Variants in PCOLCE observed in about 807,000 individuals in gnomAD.
PCOLCE encodes the protein procollagen C-endopeptidase enhancer.
A neutral mutation model predicts 47.2 loss-of-function variants in PCOLCE; 33 were observed. That is an observed-to-expected ratio of 0.70 (90% CI 0.53 to 0.93). The LOEUF (loss-of-function observed/expected upper bound fraction) is 0.93, where lower values mean the gene tolerates loss of function less well. Ranked by LOEUF, PCOLCE falls within the 40% of genes least tolerant of loss-of-function variation. The pLI, the probability that PCOLCE is intolerant of heterozygous loss-of-function variation, is 0.00. For missense variants in PCOLCE, 584 were observed against 585.3 expected (o/e 1.00, Z 0.02); for synonymous variants, 254 against 252.5 (o/e 1.01, Z -0.06).
rs750524989 is a variant in PCOLCE, at chr7:100,607,437, C to G, written c.941-15C>G. 1 of 1,610,312 alleles carries G rather than the reference C, an allele frequency of 6.2e-7. No individual in the cohort carries two copies. Among genetic ancestry groups the G allele is most frequent in the Admixed American group, 1.7e-5 (1 of 59,894 alleles). ...ACCTGCTGAGCAGGTCACCCTCCAC[C>G]CTCCTCCCTCCTAGATGCACCCACC... is the stretch of plus-strand genomic sequence containing the variant. On this transcript the variant is annotated splice_polypyrimidine_tract_variant and intron_variant, in intron 6 of 8. Coordinates refer to ENST00000223061, the MANE Select transcript of PCOLCE (RefSeq NM_002593.4).
In PCOLCE at chr7:100,604,324, A is replaced by G; in HGVS notation, c.463+107A>G. ...CCGCCCACCCCGCGCCCCAGTGCCT[A>G]GGGCCCCCTACCTCCCTGACCCATT... On this transcript the variant is annotated intron_variant, in intron 3 of 8. Coordinates refer to ENST00000223061, the MANE Select transcript of PCOLCE (RefSeq NM_002593.4). The surrounding 1 kb of genome is among the most constrained non-coding windows in gnomAD (Gnocchi z 6.4). 2.0e-6 allele frequency: 2 copies of G among 986,016 alleles called. No individual in the cohort carries two copies. Among genetic ancestry groups the G allele is most frequent in the Non-Finnish European group, 2.9e-6 (2 of 695,298 alleles). The allele number at this position is 986,016 out of a possible 1,614,324, so 61.1% of individuals were successfully genotyped here.
chr7:100,605,809 C>T lies in PCOLCE; in HGVS notation c.722C>T (p.Pro241Leu), dbSNP rs1433637735. ...GGGAAGTTCTGCGGCGACGCAGTCC[C>T]GGGGTGAGGGGCGGGACCTGGGCGA... is the stretch of plus-strand genomic sequence containing the variant. ...RLGKFCGDAV[P>L]GSISSEGNEL... The change falls in exon 5 of 9, where the codon CCG becomes CTG. Residue 241 changes from proline to leucine, a missense_variant. By Grantham distance (98) the Pro-to-Leu change is moderately conservative. Coordinates refer to ENST00000223061, the MANE Select transcript of PCOLCE (RefSeq NM_002593.4). This position sits in a 1 kb window ranked among gnomAD's most constrained non-coding sequence, Gnocchi z 6.1. 1.9e-6 allele frequency: 3 copies of T among 1,551,856 alleles called. No homozygotes were observed. Among genetic ancestry groups the T allele is most frequent in the Non-Finnish European group, 1.7e-6 (2 of 1,147,490 alleles).
chr7:100,607,377 T>C, intron 6 of PCOLCE, 75 bp from the exon 7 acceptor site: 1 of 1,200,904 alleles, frequency 8.3e-7, no homozygotes, highest in Non-Finnish European at 1.2e-6. Flanking sequence ...ACAGTTCAAG[T>C]CAATGAGGCT....
At chr7:100,606,362 G>C in intron 5 of PCOLCE, 54 bp from the exon 6 acceptor site, 2 of 1,296,770 alleles carry the variant, frequency 1.5e-6, no homozygotes, top group South Asian at 1.2e-5. Flanking sequence ...GCTGAGAAGA[G>C]TGTGGTGCAC....
At chr7:100,606,354 T>C (rs1301860971) in intron 5 of PCOLCE, 62 bp from the exon 6 acceptor site, 2 of 1,205,944 alleles carry the variant, frequency 1.7e-6, no homozygotes, top group Non-Finnish European at 2.4e-6. Context: ...GTCATGGGGC[T>C]GAGAAGAGTG....
chr7:100,604,290 ACCT>A lies in PCOLCE; in HGVS notation c.463+76_463+78del. On this transcript the variant is annotated intron_variant, in intron 3 of 8. Coordinates refer to ENST00000223061, the MANE Select transcript of PCOLCE (RefSeq NM_002593.4). This position sits in a 1 kb window ranked among gnomAD's most constrained non-coding sequence, Gnocchi z 6.4. ...GGCCGCAGCCCCGCCCCCAGCCCTA[ACCT>A]CCGCCCCGCCCACCCCGCGCCCCAG... is the stretch of plus-strand genomic sequence containing the variant. 1 of 1,352,574 alleles carries A rather than the reference ACCT, an allele frequency of 7.4e-7. No homozygotes were observed. The highest frequency in any genetic ancestry group is 9.9e-7 in the Non-Finnish European group (1 of 1,006,496). The allele number at this position is 1,352,574 out of a possible 1,614,324, so 83.8% of individuals were successfully genotyped here.
Position 100,607,794 on chromosome 7 carries a change from C to G in PCOLCE, c.1170C>G (p.Pro390=). Residue 390 remains proline, a synonymous_variant, in exon 8 of 9, where the codon CCC becomes CCG. Transcript: ENST00000223061. Reference sequence around the variant, plus strand: ...TTTACGTGCCTTGCAAGCAGTGCCCCCCCATGAAGAAAGGTAACAGAGATG... The same window carrying G: ...TTTACGTGCCTTGCAAGCAGTGCCCGCCCATGAAGAAAGGTAACAGAGATG... ...LKFYVPCKQC[P]PMKKGVSYLL... The G allele has an allele frequency of 6.2e-7, 1 of 1,614,114 alleles. No homozygotes were observed. Among genetic ancestry groups the G allele is most frequent in the Non-Finnish European group, 8.5e-7 (1 of 1,180,030 alleles).
chr7:100,603,742 C>A (rs994968370), intron 2 of PCOLCE: 1 of 615,478 alleles, frequency 1.6e-6, no homozygotes, highest in Admixed American at 2.9e-5. Flanking sequence ...ATTCTCCAGT[C>A]CCCGGCCCTC....
In PCOLCE at chr7:100,604,156, T is replaced by G. The variant is rs759556507; in HGVS notation, c.402T>G (p.Asp134Glu). ...AGGTGACCCTGAGGATGACGACGGATGAGGGCACAGGAGGACGAGGCTTCC... is the reference window on the plus strand; with the variant it reads ...AGGTGACCCTGAGGATGACGACGGAGGAGGGCACAGGAGGACGAGGCTTCC... ...GNQVTLRMTT[D>E]EGTGGRGFLL... Residue 134 changes from aspartate (D) to glutamate (E), a missense_variant, in exon 3 of 9, where the codon GAT becomes GAG. Transcript: ENST00000223061. The surrounding 1 kb of genome is among the most constrained non-coding windows in gnomAD (Gnocchi z 6.4). The G allele has an allele frequency of 1.2e-6, 2 of 1,613,286 alleles. No homozygotes were observed. The highest frequency in any genetic ancestry group is 1.7e-6 in the Non-Finnish European group (2 of 1,179,956).
chr7:100,603,506 C>T lies in PCOLCE; in HGVS notation c.172C>T (p.Pro58Ser). The change falls in exon 2 of 9, where the codon CCC becomes TCC. Residue 58 changes from proline to serine, a missense_variant. Pro to Ser is a moderately conservative substitution (Grantham distance 74). Transcript: ENST00000223061. Reference protein sequence around the residue: ...VASEGFPNLYPPNKECIWTIT... With the variant: ...VASEGFPNLYSPNKECIWTIT... ...AAGTGAGGGGTTCCCCAACCTCTAC[C>T]CCCCTAATAAGGAGTGCATCTGGAC... 1 of 1,600,808 alleles carries T rather than the reference C, an allele frequency of 6.2e-7. No individual in the cohort carries two copies. The highest frequency in any genetic ancestry group is 8.5e-7 in the Non-Finnish European group (1 of 1,171,244).
At position 100,605,036 on chromosome 7, in the gene PCOLCE, A is replaced by G; in HGVS notation, c.464-55A>G. The G allele has an allele frequency of 7.1e-7, 1 of 1,407,674 alleles. No homozygotes were observed. The highest frequency in any genetic ancestry group is 1.0e-6 in the Non-Finnish European group (1 of 1,003,638). The allele number at this position is 1,407,674 out of a possible 1,614,324, so 87.2% of individuals were successfully genotyped here. A position where few individuals can be genotyped will look rare whatever the true frequency, so the allele number is the denominator to read the frequency against. On this transcript the variant is annotated intron_variant, in intron 3 of 8. Coordinates refer to ENST00000223061, the MANE Select transcript of PCOLCE (RefSeq NM_002593.4). The surrounding 1 kb of genome is among the most constrained non-coding windows in gnomAD (Gnocchi z 6.1). Reference sequence around the variant, plus strand: ...GGCTCCCAGCCTAGAGTTCTCCTGAAGCTGACCGAGGGTCTCCACCGCCCC... The same window carrying G: ...GGCTCCCAGCCTAGAGTTCTCCTGAGGCTGACCGAGGGTCTCCACCGCCCC...
Position 100,607,652 on chromosome 7 carries a change from T to C in PCOLCE, c.1028T>C (p.Val343Ala). The C allele has an allele frequency of 3.7e-6, 6 of 1,614,062 alleles. No individual in the cohort carries two copies. The highest frequency in any genetic ancestry group is 2.7e-5 in the African/African-American group (2 of 75,022). The stretch of plus-strand genomic sequence containing the variant: ...TCTCCCACAGTGGTGACTGCGACAG[T>C]GAAGTCCATGGTTCGGGAGCCAGGG... ...CASSLVVTAT[V>A]KSMVREPGEG... The change falls in exon 8 of 9, where the codon GTG (valine) becomes GCG (alanine). Residue 343 changes from valine (V) to alanine (A), a missense_variant. Transcript: ENST00000223061.
At chr7:100,607,568 T>G (rs1288587663) in intron 7 of PCOLCE, 45 bp downstream of exon 7, 1 of 1,610,180 alleles carries the variant, frequency 6.2e-7, no homozygotes, top group Admixed American at 1.7e-5. Flanking sequence ...AACCACCTCC[T>G]GCTTCTGTTT....
chr7:100,607,605 TCTC>T, intron 7 of PCOLCE, 29 bp from the exon 8 acceptor site: 1 of 1,611,246 alleles, frequency 6.2e-7, no homozygotes. Context: ...GAACCTCCCA[TCTC>T]CTCATCTCTC....
chr7:100,604,119 C>T lies in PCOLCE; in HGVS notation c.365C>T (p.Ala122Val). Residue 122 changes from alanine (A) to valine (V), a missense_variant, in exon 3 of 9, where the codon GCC becomes GTC. By Grantham distance (64) the Ala-to-Val change is moderately conservative (BLOSUM62 0). Transcript: ENST00000223061. This position sits in a 1 kb window ranked among gnomAD's most constrained non-coding sequence, Gnocchi z 6.4. ...ACCTTCCGGCCTGCGCCCCTAGTCG[C>T]CCCCGGCAACCAGGTGACCCTGAGG... Reference protein sequence around the residue: ...CGTFRPAPLVAPGNQVTLRMT... With the variant: ...CGTFRPAPLVVPGNQVTLRMT... The T allele has an allele frequency of 6.2e-7, 1 of 1,611,888 alleles. No homozygotes were observed. Among genetic ancestry groups the T allele is most frequent in the Non-Finnish European group, 8.5e-7 (1 of 1,179,968 alleles).
chr7:100,605,646 C>T lies in PCOLCE; in HGVS notation c.589-30C>T, dbSNP rs1263851770. ...GTGCAGGCGCCCAGGGGTGTCCCGC[C>T]GCGCAGTCCCCGCCTCCGCCCGCCG... On this transcript the variant is annotated intron_variant, in intron 4 of 8. Coordinates refer to ENST00000223061, the MANE Select transcript of PCOLCE (RefSeq NM_002593.4). This position sits in a 1 kb window ranked among gnomAD's most constrained non-coding sequence, Gnocchi z 6.1. 1.7e-5 allele frequency: 27 copies of T among 1,561,592 alleles called. No individual in the cohort carries two copies. The highest frequency in any genetic ancestry group is 2.3e-5 in the Non-Finnish European group (26 of 1,153,584).
In PCOLCE at chr7:100,606,781, G is replaced by A. The variant is rs1802725352; in HGVS notation, c.940+151G>A. The A allele has an allele frequency of 4.9e-6, 3 of 614,644 alleles. No homozygotes were observed. In the East Asian group the frequency reaches 8.5e-5, roughly 17 times the overall value. 38.1% of individuals were successfully genotyped at this position (614,644 alleles called of 1,614,324 possible). Reference sequence around the variant, plus strand: ...TAAGCCTAGGAGTTTACCATAGCAAGACCCTGTCTTTTCAAAAATAAAAAA... The same window carrying A: ...TAAGCCTAGGAGTTTACCATAGCAAAACCCTGTCTTTTCAAAAATAAAAAA... On this transcript the variant is annotated intron_variant, in intron 6 of 8. Transcript: ENST00000223061.
At chr7:100,603,385 TC>T in intron 1 of PCOLCE, 44 bp from the exon 2 acceptor site, 1 of 964,016 alleles carries the variant, frequency 1.0e-6, no homozygotes, top group Non-Finnish European at 1.6e-6. Context: ...TGCTCCCCCG[TC>T]CCACCCGTCC....
At chr7:100,606,740 A>C (rs568508554) in intron 6 of PCOLCE, 110 bp downstream of exon 6, 1 of 780,264 alleles carries the variant, frequency 1.3e-6, no homozygotes, top group East Asian at 2.7e-5. Flanking sequence ...TGGGAGGTCC[A>C]GACAGCAGGA....
Sources: gnomAD v4.1 joint callset for allele counts on GRCh38, gnomAD v4.1.1 for gene constraint, Gnocchi (gnomAD v3.1) non-coding constraint, MANE v1.5 for transcripts, NCBI Gene and HGNC (gene_info 2026-07-23, HGNC 2026-07-21) for gene names.